The following KCNH8 variants were observed in gnomAD, a reference collection of about 807,000 sequenced individuals.
The protein encoded by KCNH8 is potassium voltage-gated channel subfamily H member 8, also known as voltage-gated delayed rectifier potassium channel KCNH8.
A neutral mutation model predicts 103.6 loss-of-function variants in KCNH8; 70 were observed. The observed-to-expected ratio is 0.68, with a 90% CI of 0.56 to 0.82. The LOEUF is 0.82. Ranked by LOEUF, KCNH8 falls within the 40% of genes least tolerant of loss-of-function variation. KCNH8 has a pLI of 0.00. For missense variants in KCNH8, 1,217 were observed against 1,329.9 expected (o/e 0.92, Z 1.32); for synonymous variants, 498 against 489.4 (o/e 1.02, Z -0.23).
chr3:19,409,605 GC>G (rs1447161628), intron 7 of KCNH8, among the ~76,000 whole-genome samples: 1 of 151,890 alleles, frequency 6.6e-6, no homozygotes, highest in Non-Finnish European at 1.5e-5. Context: ...CCATTCATCT[GC>G]TCTCTTTTAG....
intron 1 of KCNH8, among the ~76,000 whole-genome samples, chr3:19,226,826 A>T (rs916421191): frequency 6.6e-6 from 1 of 152,152 alleles, no homozygotes; most frequent in African/African-American, 2.4e-5. Flanking sequence ...ACATATCTTA[A>T]AATGTTTCCA....
intron 2 of KCNH8, among the ~76,000 whole-genome samples, chr3:19,258,907 C>T (rs557193240): frequency 0.013 from 395 of 29,702 alleles, 2 homozygotes; most frequent in Middle Eastern, 0.022. Flanking sequence ...TTTTCTGTTT[C>T]TCTCTCTCTC....
chr3:19,532,885 TGGAGTTG>T (rs2069188299), intron 15 of KCNH8, among the ~76,000 whole-genome samples: 1 of 152,200 alleles, frequency 6.6e-6, no homozygotes, highest in Non-Finnish European at 1.5e-5. Flanking sequence ...TGGGCTTGGT[TGGAGTTG>T]GAGCAGCCTT....
intron 11 of KCNH8, among the ~76,000 whole-genome samples, chr3:19,497,950 G>C (rs984588973): frequency 1.3e-5 from 2 of 152,144 alleles, no homozygotes; most frequent in African/African-American, 2.4e-5. Flanking sequence ...ATTTAGGATA[G>C]TTAGGTCTTC....
chr3:19,212,811 T>C (rs1056046588), intron 1 of KCNH8, among the ~76,000 whole-genome samples: 5 of 152,194 alleles, frequency 3.3e-5, no homozygotes, highest in Non-Finnish European at 5.9e-5. Flanking sequence ...GTTAAATCAC[T>C]TTGTATTTTT....
chr3:19,226,345 G>T (rs1232939007), intron 1 of KCNH8, among the ~76,000 whole-genome samples: 1 of 152,178 alleles, frequency 6.6e-6, no homozygotes, highest in Non-Finnish European at 1.5e-5. Flanking sequence ...ATGAAAGGTA[G>T]TTTTGATCAT....
intron 1 of KCNH8, among the ~76,000 whole-genome samples, chr3:19,157,539 G>A (rs2063192525): frequency 6.6e-6 from 1 of 151,930 alleles, no homozygotes; most frequent in Non-Finnish European, 1.5e-5. Flanking sequence ...ATTATATATT[G>A]TATTATTGCT....
intron 1 of KCNH8, among the ~76,000 whole-genome samples, chr3:19,222,651 G>A (rs560640887): frequency 6.6e-6 from 1 of 152,134 alleles, no homozygotes; most frequent in East Asian, 1.9e-4. Context: ...GTACCACCAA[G>A]AAATAGAGTG....
At chr3:19,325,229 C>T (rs1364317014) in intron 3 of KCNH8, among the ~76,000 whole-genome samples, 1 of 152,094 alleles carries the variant, frequency 6.6e-6, no homozygotes, top group Non-Finnish European at 1.5e-5. Flanking sequence ...AAATGTAAAA[C>T]TCAAAACCAT....
rs1472111205 is a variant in KCNH8, at chr3:19,397,708, G to A, written c.1177+2397G>A. Among the ~76,000 whole-genome samples the A allele has an allele frequency of 2.0e-5, 3 of 151,660 alleles. No individual in the cohort carries two copies. The East Asian group carries it at 5.9e-4, about 30-fold the overall frequency. ...AAAAATGACCGAAAATTTATCTTTA[G>A]AGAATTAGATTTCCTGTCCAAGCAC... is the stretch of plus-strand genomic sequence containing the variant. On this transcript the variant is annotated intron_variant, in intron 7 of 15. Transcript: ENST00000328405.
At chr3:19,230,839 G>A (rs537291907) in intron 1 of KCNH8, among the ~76,000 whole-genome samples, 5 of 152,228 alleles carry the variant, frequency 3.3e-5, no homozygotes, top group Non-Finnish European at 5.9e-5. Context: ...CAATGCTTTC[G>A]TTCTTCGGAA....
intron 11 of KCNH8, among the ~76,000 whole-genome samples, chr3:19,508,038 A>C (rs1216351364): frequency 6.6e-6 from 1 of 152,174 alleles, no homozygotes; most frequent in Admixed American, 6.5e-5. Flanking sequence ...TATGTGGTGA[A>C]TCACATTTTT....
chr3:19,249,449 G>A (rs1355641188), intron 1 of KCNH8, among the ~76,000 whole-genome samples: 1 of 152,086 alleles, frequency 6.6e-6, no homozygotes, highest in Non-Finnish European at 1.5e-5. Flanking sequence ...GACCAAATAC[G>A]TGCCTTTATT....
chr3:19,173,627 TACACACACACCCAC>T (rs1444025996), intron 1 of KCNH8, among the ~76,000 whole-genome samples: 1 of 151,834 alleles, frequency 6.6e-6, no homozygotes, highest in Non-Finnish European at 1.5e-5. Flanking sequence ...GGCATAAACC[TACACACACACCCAC>T]ACACACACAT....
intron 3 of KCNH8, among the ~76,000 whole-genome samples, chr3:19,319,328 A>C (rs1450375120): frequency 1.3e-5 from 2 of 151,910 alleles, no homozygotes; most frequent in Admixed American, 6.6e-5. Context: ...CACCATCTTG[A>C]GTCGATTTTT....
intron 11 of KCNH8, among the ~76,000 whole-genome samples, chr3:19,469,205 C>T (rs766325895): frequency 2.0e-5 from 3 of 152,158 alleles, no homozygotes; most frequent in Non-Finnish European, 2.9e-5. Flanking sequence ...ACTCACATGT[C>T]ATTTTACCAT....
chr3:19,273,970 C>T (rs918288792), intron 2 of KCNH8, among the ~76,000 whole-genome samples: 4 of 152,112 alleles, frequency 2.6e-5, no homozygotes, highest in Non-Finnish European at 5.9e-5. Context: ...GGCTTTACTG[C>T]ACTTTTTTCA....
intron 5 of KCNH8, among the ~76,000 whole-genome samples, chr3:19,357,883 A>G (rs2065899518): frequency 6.6e-6 from 1 of 151,960 alleles, no homozygotes; most frequent in African/African-American, 2.4e-5. Context: ...CTTTCATAAT[A>G]GAAGGAATAT....
intron 1 of KCNH8, among the ~76,000 whole-genome samples, chr3:19,155,667 T>A (rs548243577): frequency 1.3e-5 from 2 of 152,242 alleles, no homozygotes; most frequent in East Asian, 3.9e-4. Flanking sequence ...TCTTTCATGG[T>A]TTTGGGACTC....
Sources: gnomAD v4.1 joint callset for allele counts (sites outside exome capture counted in the v4.1 genomes callset) on GRCh38, gnomAD v4.1.1 for gene constraint, MANE v1.5 for transcripts, NCBI Gene and HGNC (gene_info 2026-07-23, HGNC 2026-07-21) for gene names.